SKI: variants seen among roughly 807,000 people sequenced by gnomAD.
SKI encodes the protein ski oncogene.
SKI carries 23 observed loss-of-function variants against 59.3 expected under a neutral mutation model. The ratio of observed to expected loss-of-function variants is 0.39; its 90% CI spans 0.28 to 0.55. The LOEUF is 0.55. Ranked by LOEUF, SKI falls within the 20% of genes least tolerant of loss-of-function variation. SKI has a pLI of 0.67. For synonymous variants in SKI, 673 were observed against 488.6 expected (o/e 1.38, Z -4.98); for missense variants, 1,017 against 1,038.9 (o/e 0.98, Z 0.29).
At chr1:2,295,258 G>A (rs1034280758) in intron 1 of SKI, among the ~76,000 whole-genome samples, 5 of 152,164 alleles carry the variant, frequency 3.3e-5, no homozygotes, top group Admixed American at 6.5e-5. Context: ...CATGCCAGCC[G>A]AGCGCCCCTC....
intron 1 of SKI, among the ~76,000 whole-genome samples, chr1:2,253,199 C>A (rs76154380): frequency 0.073 from 11,080 of 152,256 alleles, 482 homozygotes; most frequent in Middle Eastern, 0.15. Flanking sequence ...CCGCCTGCAG[C>A]GCAGCCTCCC....
chr1:2,230,710 T>C (rs1638616167), intron 1 of SKI, among the ~76,000 whole-genome samples: 1 of 152,178 alleles, frequency 6.6e-6, no homozygotes, highest in African/African-American at 2.4e-5. Context: ...CCCCAAGTAT[T>C]TGTAACTTTT....
rs1407471998 is a variant in SKI, at chr1:2,303,798, TG to T, written c.1212-38del. Reference sequence around the variant, plus strand: ...CGCCAGGATGTGTCTGGGTGGTGCTTGGGGACAGAGGCACCTTCCCGACACC... The same window carrying T: ...CGCCAGGATGTGTCTGGGTGGTGCTTGGGACAGAGGCACCTTCCCGACACC... On this transcript the variant is annotated intron_variant, in intron 3 of 6. Transcript: ENST00000378536. The surrounding 1 kb of genome is among the most constrained non-coding windows in gnomAD (Gnocchi z 5.6). The T allele has an allele frequency of 3.1e-6, 5 of 1,608,964 alleles. No individual in the cohort carries two copies. Among genetic ancestry groups the T allele is most frequent in the Non-Finnish European group, 4.2e-6 (5 of 1,178,772 alleles).
chr1:2,273,698 C>T (rs906255187), intron 1 of SKI, among the ~76,000 whole-genome samples: 15 of 152,172 alleles, frequency 9.9e-5, no homozygotes, highest in East Asian at 1.9e-4. Context: ...GAGGCCTGAC[C>T]GTGACTGCAG....
intron 1 of SKI, among the ~76,000 whole-genome samples, chr1:2,272,298 A>G (rs1229120445): frequency 6.6e-6 from 1 of 152,268 alleles, no homozygotes; most frequent in East Asian, 1.9e-4. Context: ...GGTGTTAAAA[A>G]TTAAGCAAAA....
At chr1:2,291,712 G>C (rs572530002) in intron 1 of SKI, among the ~76,000 whole-genome samples, 193 of 141,698 alleles carry the variant, frequency 1.4e-3, no homozygotes, top group Admixed American at 2.8e-3. Flanking sequence ...TTGTGGGGGG[G>C]CCCCCTGGGG....
intron 1 of SKI, among the ~76,000 whole-genome samples, chr1:2,296,788 A>G (rs1027149974): frequency 6.6e-6 from 1 of 151,982 alleles, no homozygotes; most frequent in Non-Finnish European, 1.5e-5. Context: ...GGTGTCATGG[A>G]AGCACTTCTG....
chr1:2,303,339 C>G lies in SKI; in HGVS notation c.1150C>G (p.Pro384Ala), dbSNP rs1242691039. 1 of 1,613,898 alleles carries G rather than the reference C, an allele frequency of 6.2e-7. No homozygotes were observed. Among genetic ancestry groups the G allele is most frequent in the Non-Finnish European group, 8.5e-7 (1 of 1,180,036 alleles). The change falls in exon 3 of 7, where the codon CCC becomes GCC. Residue 384 changes from proline to alanine, a missense_variant. By Grantham distance (27) the Pro-to-Ala change is conservative. Transcript: ENST00000378536. This position sits in a 1 kb window ranked among gnomAD's most constrained non-coding sequence, Gnocchi z 5.6. ...CCTCTCTGCTTTCCGACCCTGGTCC[C>G]CCGCAGTGTCAGCGAGTGAGAAAGA... is the stretch of plus-strand genomic sequence containing the variant. Reference protein sequence around the residue: ...QRLSAFRPWSPAVSASEKELS... With the variant: ...QRLSAFRPWSAAVSASEKELS...
chr1:2,254,883 A>G (rs1266779318), intron 1 of SKI, among the ~76,000 whole-genome samples: 1 of 152,176 alleles, frequency 6.6e-6, no homozygotes, highest in Non-Finnish European at 1.5e-5. Flanking sequence ...GGGTGGAGAC[A>G]GCCACAACAA....
chr1:2,254,015 G>A (rs950296152), intron 1 of SKI, among the ~76,000 whole-genome samples: 10 of 152,244 alleles, frequency 6.6e-5, no homozygotes, highest in East Asian at 1.9e-4. Flanking sequence ...CAAGGGCCAC[G>A]TGCCTGGTCG....
chr1:2,260,280 C>G (rs1002607150), intron 1 of SKI, among the ~76,000 whole-genome samples: 24 of 152,294 alleles, frequency 1.6e-4, no homozygotes, highest in African/African-American at 5.5e-4. Flanking sequence ...AGTGGCTTCT[C>G]TTGTGCGTAT....
rs2100918389 is a variant in SKI, at chr1:2,303,921, C to T, written c.1293C>T (p.Ser431=). The T allele has an allele frequency of 1.2e-6, 2 of 1,612,078 alleles. No homozygotes were observed. The highest frequency in any genetic ancestry group is 1.7e-6 in the Non-Finnish European group (2 of 1,179,704). The part of the protein sequence containing the change: ...LAPPAQQKVV[S]SPPCAAAVSR... ...CGCCGGCCCAGCAGAAGGTTGTGAG[C>T]AGCCCTCCGTGTGCCGCCGCCGTCT... Residue 431 remains serine (S), a synonymous_variant, in exon 4 of 7, where the codon AGC becomes AGT. Transcript: ENST00000378536. This position sits in a 1 kb window ranked among gnomAD's most constrained non-coding sequence, Gnocchi z 5.6.
In SKI at chr1:2,267,181, G is replaced by T. The variant is rs1639517813; in HGVS notation, c.970-35797G>T. Among the ~76,000 whole-genome samples, 1 of 152,188 alleles carries T rather than the reference G, an allele frequency of 6.6e-6. No homozygotes were observed. On this transcript the variant is annotated intron_variant, in intron 1 of 6. Coordinates refer to ENST00000378536, the MANE Select transcript of SKI (RefSeq NM_003036.4). This position sits in a 1 kb window ranked among gnomAD's most constrained non-coding sequence, Gnocchi z 4.1. ...CGAGCAACTGCATCGAGCCAGCACT[G>T]AACTGGTTTTGTAACAAGCTTGGTG...
chr1:2,249,956 G>A (rs1639091276), intron 1 of SKI, among the ~76,000 whole-genome samples: 1 of 152,110 alleles, frequency 6.6e-6, no homozygotes, highest in South Asian at 2.1e-4. Context: ...CCAGGCTGGA[G>A]TGCAGTGGTG....
chr1:2,309,587 T>C lies in SKI; in HGVS notation c.*2822T>C, dbSNP rs1640694448. ...ACTGAGGAAAAAAAAAATGCTTTCCTGCCGGGGGGCAGGGGAGACGGAGAA... is the reference window on the plus strand; with the variant it reads ...ACTGAGGAAAAAAAAAATGCTTTCCCGCCGGGGGGCAGGGGAGACGGAGAA... On this transcript the variant is annotated 3_prime_UTR_variant, in exon 7 of 7. Coordinates refer to ENST00000378536, the MANE Select transcript of SKI (RefSeq NM_003036.4). 6.6e-6 allele frequency: 1 copy of C among 152,038 alleles called. No homozygotes were observed. Among genetic ancestry groups the C allele is most frequent in the Non-Finnish European group, 1.5e-5 (1 of 67,992 alleles). The allele number at this position is 152,038 out of a possible 1,614,324, so 9.4% of individuals were successfully genotyped here.
intron 1 of SKI, among the ~76,000 whole-genome samples, chr1:2,230,242 G>A (rs1322986912): frequency 1.3e-5 from 2 of 152,220 alleles, no homozygotes; most frequent in Non-Finnish European, 2.9e-5. Context: ...TGGGTGAGGC[G>A]AGGCCTGGTT....
Position 2,303,162 on chromosome 1 carries a change from C to T in SKI, c.1095+59C>T. On this transcript the variant is annotated intron_variant, in intron 2 of 6. Coordinates refer to ENST00000378536, the MANE Select transcript of SKI (RefSeq NM_003036.4). This position sits in a 1 kb window ranked among gnomAD's most constrained non-coding sequence, Gnocchi z 5.6. ...TGGGTACTGGGCCCTTCTCCTTGGG[C>T]AGACCCAGCGGCTGGCAGCTCCACC... 1 of 1,609,550 alleles carries T rather than the reference C, an allele frequency of 6.2e-7. No individual in the cohort carries two copies.
At chr1:2,240,921 GC>G (rs1399626549) in intron 1 of SKI, 1 of 500,176 alleles carries the variant, frequency 2.0e-6, no homozygotes, top group Non-Finnish European at 2.6e-6. Flanking sequence ...GCTGTGTTCA[GC>G]CCCTGAGATG....
intron 1 of SKI, among the ~76,000 whole-genome samples, chr1:2,290,841 T>C (rs1336811831): frequency 6.6e-6 from 1 of 152,176 alleles, no homozygotes; most frequent in East Asian, 1.9e-4. Context: ...CTTAATTGAG[T>C]CCGATTCTTG....
Sources: allele counts gnomAD v4.1 joint callset (sites outside exome capture counted in the v4.1 genomes callset), GRCh38; gene constraint gnomAD v4.1.1; non-coding constraint Gnocchi (gnomAD v3.1); transcripts MANE v1.5; gene names NCBI Gene and HGNC (gene_info 2026-07-23, HGNC 2026-07-21).